PCDH9: variants seen among roughly 807,000 people sequenced by gnomAD.
PCDH9 encodes the protein protocadherin 9.
Under a neutral mutation model 70.6 loss-of-function variants are expected in PCDH9, and 24 were observed. The observed-to-expected ratio is 0.34, with a 90% CI of 0.25 to 0.48. The LOEUF is 0.48. PCDH9 is among the 20% of genes least tolerant of loss of function. The pLI is 0.99. For missense variants in PCDH9, 1,281 were observed against 1,503.6 expected (o/e 0.85, Z 2.45); for synonymous variants, 562 against 558.5 (o/e 1.01, Z -0.09).
rs558418558 is a variant in PCDH9 at position 66,897,173 on chromosome 13, C to A, written c.3138+6331G>T. On this transcript the variant is annotated intron_variant, in intron 3 of 4. Coordinates refer to ENST00000377865, the MANE Select transcript of PCDH9 (RefSeq NM_203487.3). ...GATGTACTTGGCATGCATAACGTTGCCTCTGGTATACTTGCTGGATAAATA... is the reference window on the plus strand; with the variant it reads ...GATGTACTTGGCATGCATAACGTTGACTCTGGTATACTTGCTGGATAAATA... 1.5e-3 allele frequency among the ~76,000 whole-genome samples: 232 copies of A among 151,274 alleles called. 1 individual carries two copies. Among genetic ancestry groups the A allele is most frequent in the South Asian group, 4.6e-3 (22 of 4,778 alleles).
At chr13:66,308,864 C>A (rs944290184) in intron 4 of PCDH9, among the ~76,000 whole-genome samples, 1 of 151,312 alleles carries the variant, frequency 6.6e-6, no homozygotes, top group African/African-American at 2.4e-5. Context: ...GTCTCTAGAC[C>A]GGGGCTCAAA....
intron 4 of PCDH9, among the ~76,000 whole-genome samples, chr13:66,331,367 T>C (rs1287754728): frequency 1.3e-5 from 2 of 152,048 alleles, no homozygotes; most frequent in African/African-American, 4.8e-5. Flanking sequence ...TGAAATATTA[T>C]TATGGGAGCC....
chr13:66,629,322 A>G (rs1311944989), intron 4 of PCDH9, among the ~76,000 whole-genome samples: 1 of 152,162 alleles, frequency 6.6e-6, no homozygotes, highest in Non-Finnish European at 1.5e-5. Flanking sequence ...ACTCACATAC[A>G]CTTAGAGAAA....
At chr13:66,874,051 C>T (rs1417256992) in intron 3 of PCDH9, among the ~76,000 whole-genome samples, 1 of 151,608 alleles carries the variant, frequency 6.6e-6, no homozygotes, top group Admixed American at 6.6e-5. Context: ...AGTGATCCTC[C>T]CACTTCCACC....
intron 4 of PCDH9, among the ~76,000 whole-genome samples, chr13:66,389,935 G>C (rs1475960585): frequency 6.6e-6 from 1 of 152,064 alleles, no homozygotes; most frequent in African/African-American, 2.4e-5. Context: ...TTTTCTTGAA[G>C]AAAATGGTAC....
At chr13:66,507,932 A>G (rs971165681) in intron 4 of PCDH9, among the ~76,000 whole-genome samples, 2 of 152,102 alleles carry the variant, frequency 1.3e-5, no homozygotes, top group Admixed American at 1.3e-4. Context: ...CGCGTTAGCC[A>G]GGATGGTCTT....
chr13:66,934,558 G>GAAAAAAGAA (rs1555288043), intron 2 of PCDH9, among the ~76,000 whole-genome samples: 1 of 134,818 alleles, frequency 7.4e-6, no homozygotes, highest in South Asian at 2.3e-4. Flanking sequence ...AAAAAAAAAA[G>GAAAAAAGAA]AAAAAGAAAA....
intron 3 of PCDH9, among the ~76,000 whole-genome samples, chr13:66,768,549 A>C (rs2079755784): frequency 6.6e-6 from 1 of 152,078 alleles, no homozygotes; most frequent in African/African-American, 2.4e-5. Context: ...TCTAATGAGA[A>C]AGTTTTACTT....
At chr13:66,390,733 CAAA>C (rs34323423) in intron 4 of PCDH9, among the ~76,000 whole-genome samples, 1 of 138,002 alleles carries the variant, frequency 7.2e-6, no homozygotes, top group Non-Finnish European at 1.6e-5. Flanking sequence ...GGAGTCATCT[CAAA>C]AAAAAAAAAA....
At chr13:66,892,242 G>GTA (rs201300461) in intron 3 of PCDH9, among the ~76,000 whole-genome samples, 73 of 145,046 alleles carry the variant, frequency 5.0e-4, no homozygotes, top group South Asian at 1.5e-3. Context: ...ATGTGTGTGT[G>GTA]TATATATATA....
intron 3 of PCDH9, among the ~76,000 whole-genome samples, chr13:66,835,813 C>T (rs1425991334): frequency 6.6e-6 from 1 of 152,112 alleles, no homozygotes; most frequent in African/African-American, 2.4e-5. Flanking sequence ...ATCCTCTCCC[C>T]ATTCCGTTTA....
chr13:66,708,126 T>C lies in PCDH9; in HGVS notation c.3139-76715A>G, dbSNP rs914381113. ...GTGCAGTGGCGGGATCTCGGCTCAC[T>C]GCAAGCTCCGCCTCCCGGGTTCACG... On this transcript the variant is annotated intron_variant, in intron 3 of 4. Transcript: ENST00000377865. Among the ~76,000 whole-genome samples, 359 of 151,620 alleles carry C rather than the reference T, an allele frequency of 2.4e-3. 2 individuals are homozygous for C. The highest frequency in any genetic ancestry group is 8.3e-3 in the African/African-American group (344 of 41,486).
At chr13:66,418,837 C>T (rs968912377) in intron 4 of PCDH9, among the ~76,000 whole-genome samples, 60 of 46,090 alleles carry the variant, frequency 1.3e-3, no homozygotes, top group African/African-American at 2.3e-3. Flanking sequence ...ATAGATAGAC[C>T]GCTAGCCAGA....
intron 3 of PCDH9, among the ~76,000 whole-genome samples, chr13:66,743,771 C>T (rs2079311714): frequency 6.6e-6 from 1 of 151,526 alleles, no homozygotes. Flanking sequence ...CAATTTTAGT[C>T]GTAAATGAAA....
intron 4 of PCDH9, among the ~76,000 whole-genome samples, chr13:66,413,482 C>T (rs1274077200): frequency 6.6e-6 from 1 of 151,958 alleles, no homozygotes; most frequent in Non-Finnish European, 1.5e-5. Context: ...GTCAGGAGAT[C>T]GAGACCATCC....
chr13:67,002,944 C>G (rs2084275573), intron 2 of PCDH9, among the ~76,000 whole-genome samples: 1 of 150,850 alleles, frequency 6.6e-6, no homozygotes. Flanking sequence ...ATGTCTTGGG[C>G]CTTTCTGTAC....
At chr13:66,643,329 A>AGAT (rs887737908) in intron 3 of PCDH9, among the ~76,000 whole-genome samples, 21 of 152,214 alleles carry the variant, frequency 1.4e-4, no homozygotes, top group African/African-American at 4.8e-4. Flanking sequence ...AACATGAATA[A>AGAT]GATTTTATAT....
At chr13:66,890,726 T>C (rs561079263) in intron 3 of PCDH9, among the ~76,000 whole-genome samples, 1 of 152,106 alleles carries the variant, frequency 6.6e-6, no homozygotes, top group Admixed American at 6.5e-5. Context: ...TATCACCTAA[T>C]AGCCTCCAAT....
At chr13:66,567,484 C>T (rs1484164003) in intron 4 of PCDH9, among the ~76,000 whole-genome samples, 1 of 152,100 alleles carries the variant, frequency 6.6e-6, no homozygotes. Context: ...ATATTTACAA[C>T]ACTGAATAAA....
Sources: allele counts gnomAD v4.1 joint callset (sites outside exome capture counted in the v4.1 genomes callset), GRCh38; gene constraint gnomAD v4.1.1; transcripts MANE v1.5; gene names NCBI Gene and HGNC (gene_info 2026-07-23, HGNC 2026-07-21).